Variants in MRAP2 observed in about 807,000 individuals in gnomAD.
The protein encoded by MRAP2 is melanocortin-2 receptor accessory protein 2.
A neutral mutation model predicts 17.4 loss-of-function variants in MRAP2; 20 were observed. The observed-to-expected ratio is 1.15, with a 90% CI of 0.81 to 1.67. The LOEUF is 1.67. Ranked by LOEUF, MRAP2 falls within the 40% of genes most tolerant of loss-of-function variation. MRAP2 has a pLI of 0.00. For missense variants in MRAP2, 238 were observed against 240.0 expected, an observed-to-expected ratio of 0.99 and a Z score of 0.05; for synonymous variants, 96 against 88.4, an observed-to-expected ratio of 1.09 and a Z score of -0.48.
chr6:84,048,150 A>C (rs2099489517), intron 1 of MRAP2, among the ~76,000 whole-genome samples: 2 of 152,126 alleles, frequency 1.3e-5, no homozygotes, highest in Admixed American at 6.5e-5. Context: ...TAGAATTGCT[A>C]TATCATATGG....
chr6:84,131,980 C>T, the MRAP2 span, among the ~76,000 whole-genome samples: 1 of 152,156 alleles, frequency 6.6e-6, no homozygotes, highest in African/African-American at 2.4e-5. Context: ...TGGCTGGTAC[C>T]AGTCGTTCCT....
chr6:84,097,473 A>C, the MRAP2 span, among the ~76,000 whole-genome samples: 1 of 152,164 alleles, frequency 6.6e-6, no homozygotes, highest in Non-Finnish European at 1.5e-5. Flanking sequence ...GAGGGATTCA[A>C]ATTATCTCAG....
chr6:84,051,732 G>C (rs1458985796), intron 1 of MRAP2, among the ~76,000 whole-genome samples: 3 of 152,172 alleles, frequency 2.0e-5, no homozygotes, highest in Admixed American at 1.3e-4. Flanking sequence ...CAAAAAAAGG[G>C]GAGCGGGGAG....
chr6:84,041,896 A>T (rs2099487688), intron 1 of MRAP2, among the ~76,000 whole-genome samples: 1 of 152,188 alleles, frequency 6.6e-6, no homozygotes. Flanking sequence ...GGAATGAGTT[A>T]AGACTTTGGG....
chr6:84,114,852 G>C, the MRAP2 span, among the ~76,000 whole-genome samples: 1 of 152,140 alleles, frequency 6.6e-6, no homozygotes, highest in African/African-American at 2.4e-5. Context: ...GGTCGCTGGA[G>C]TTTGTTGGAC....
intron 2 of MRAP2, chr6:84,062,263 C>T (rs1225400132): frequency 7.0e-6 from 2 of 287,586 alleles, no homozygotes; most frequent in Non-Finnish European, 1.0e-5. Context: ...CTAATCACAG[C>T]AGCTACACTT....
At chr6:84,043,531 T>C (rs1332304786) in intron 1 of MRAP2, among the ~76,000 whole-genome samples, 1 of 152,144 alleles carries the variant, frequency 6.6e-6, no homozygotes, top group African/African-American at 2.4e-5. Context: ...AGGACCATTT[T>C]GAGGGTTCCC....
chr6:84,064,965 C>G (rs1480158460), intron 3 of MRAP2, among the ~76,000 whole-genome samples: 3 of 152,116 alleles, frequency 2.0e-5, no homozygotes, highest in Non-Finnish European at 4.4e-5. Flanking sequence ...TCAGCTATTT[C>G]TAGATATCAG....
chr6:84,123,288 T>A, the MRAP2 span, among the ~76,000 whole-genome samples: 9 of 143,688 alleles, frequency 6.3e-5, no homozygotes, highest in South Asian at 1.7e-3. Context: ...GCCAAAGCAC[T>A]CCTAAGCAAA....
At chr6:84,037,173 T>G (rs559685685) in intron 1 of MRAP2, among the ~76,000 whole-genome samples, 1 of 146,572 alleles carries the variant, frequency 6.8e-6, no homozygotes, top group East Asian at 2.0e-4. Context: ...ACACAGAGTG[T>G]TGATTGGTGT....
chr6:84,122,376 A>AAG, the MRAP2 span, among the ~76,000 whole-genome samples: 2 of 145,936 alleles, frequency 1.4e-5, no homozygotes, highest in African/African-American at 5.2e-5. Context: ...AAAAAAAAAA[A>AAG]GCATCATGAT....
chr6:84,045,326 T>A, intron 1 of MRAP2: 1 of 985,228 alleles, frequency 1.0e-6, no homozygotes, highest in Non-Finnish European at 1.2e-6. Flanking sequence ...AGGGCAGAGA[T>A]CCAAATCTGC....
At chr6:84,115,193 C>A in the MRAP2 span, among the ~76,000 whole-genome samples, 1 of 152,188 alleles carries the variant, frequency 6.6e-6, no homozygotes, top group Non-Finnish European at 1.5e-5. Context: ...TTCCCCCAGG[C>A]ACTCTGTTCC....
chr6:84,135,498 G>T, the MRAP2 span, among the ~76,000 whole-genome samples: 1 of 151,244 alleles, frequency 6.6e-6, no homozygotes, highest in Admixed American at 6.6e-5. Context: ...CTTACTTGTT[G>T]GTGAGTAATC....
chr6:84,042,793 T>TTC (rs2099487967), intron 1 of MRAP2, among the ~76,000 whole-genome samples: 1 of 152,214 alleles, frequency 6.6e-6, no homozygotes, highest in African/African-American at 2.4e-5. Context: ...ACATCCTAGT[T>TTC]TAAGAGCCCA....
downstream of MRAP2, among the ~76,000 whole-genome samples, chr6:84,094,619 AATTTTC>A (rs774422404): frequency 1.3e-5 from 2 of 152,086 alleles, no homozygotes; most frequent in Admixed American, 6.5e-5. Flanking sequence ...TTTCCATTTT[AATTTTC>A]ATCTGCAGTA....
intron 1 of MRAP2, among the ~76,000 whole-genome samples, chr6:84,044,302 T>G (rs2099488408): frequency 6.6e-6 from 1 of 152,224 alleles, no homozygotes; most frequent in African/African-American, 2.4e-5. Flanking sequence ...TTCTCCTGCC[T>G]AAGCCTCCCA....
chr6:84,064,654 C>CT (rs1321781649), intron 3 of MRAP2, among the ~76,000 whole-genome samples: 4 of 152,146 alleles, frequency 2.6e-5, no homozygotes, highest in South Asian at 4.2e-4. Context: ...CGCCCAGCTA[C>CT]TTTTTTGTAT....
At chr6:84,059,935 A>G (rs944705808) in intron 2 of MRAP2, among the ~76,000 whole-genome samples, 1 of 152,164 alleles carries the variant, frequency 6.6e-6, no homozygotes, top group African/African-American at 2.4e-5. Context: ...TGAAACTTAC[A>G]TGTGAATAAA....
Sources: gnomAD v4.1 joint callset for allele counts (sites outside exome capture counted in the v4.1 genomes callset) on GRCh38, gnomAD v4.1.1 for gene constraint, MANE v1.5 for transcripts, NCBI Gene and HGNC (gene_info 2026-07-23, HGNC 2026-07-21) for gene names.